LDLRAD4: variants seen among roughly 807,000 people sequenced by gnomAD.
LDLRAD4 encodes low density lipoprotein receptor class A domain containing 4, also known as low-density lipoprotein receptor class A domain-containing protein 4.
In LDLRAD4, 5 loss-of-function variants were observed where a neutral mutation model predicts 17.0. The ratio of observed to expected loss-of-function variants is 0.29; its 90% CI spans 0.15 to 0.62. The LOEUF (loss-of-function observed/expected upper bound fraction) is 0.62. LDLRAD4 is among the 20% of genes least tolerant of loss of function. The pLI is 0.84. For synonymous variants in LDLRAD4, 168 were observed against 171.8 expected, an observed-to-expected ratio of 0.98 and a Z score of 0.17; for missense variants, 340 against 424.7, an observed-to-expected ratio of 0.80 and a Z score of 1.75.
intron 3 of LDLRAD4, among the ~76,000 whole-genome samples, chr18:13,483,682 C>G (rs893394257): frequency 1.3e-5 from 2 of 152,206 alleles, no homozygotes; most frequent in African/African-American, 4.8e-5. Flanking sequence ...ATCATTTAAT[C>G]TTCCCCATCT....
chr18:13,584,557 C>A (rs549811569), intron 3 of LDLRAD4, among the ~76,000 whole-genome samples: 15 of 152,144 alleles, frequency 9.9e-5, no homozygotes, highest in Non-Finnish European at 2.2e-4. Flanking sequence ...CCCAGGAAGA[C>A]TTAGCCAATG....
intron 1 of LDLRAD4, among the ~76,000 whole-genome samples, chr18:13,345,543 C>CT (rs1484588833): frequency 6.6e-6 from 1 of 152,104 alleles, no homozygotes; most frequent in Non-Finnish European, 1.5e-5. Context: ...CTAAAATTCT[C>CT]TTTTTTTGTT....
At chr18:13,616,355 C>T (rs977436451) in intron 3 of LDLRAD4, among the ~76,000 whole-genome samples, 6 of 152,130 alleles carry the variant, frequency 3.9e-5, no homozygotes, top group African/African-American at 7.2e-5. Context: ...TCCTCACACA[C>T]GTTTCCAAGA....
chr18:13,533,534 AT>A (rs1423475378), intron 3 of LDLRAD4, among the ~76,000 whole-genome samples: 1 of 152,120 alleles, frequency 6.6e-6, no homozygotes, highest in African/African-American at 2.4e-5. Context: ...CCTGGCAAGA[AT>A]TTGGTTTAAA....
intron 1 of LDLRAD4, among the ~76,000 whole-genome samples, chr18:13,313,352 A>T (rs7241438): frequency 1.3e-5 from 2 of 151,922 alleles, no homozygotes; most frequent in African/African-American, 4.8e-5. Context: ...GCAAGAAACC[A>T]ATTCCTTCCC....
chr18:13,515,147 C>T (rs1225049061), intron 3 of LDLRAD4: 2 of 152,316 alleles, frequency 1.3e-5, no homozygotes, highest in Admixed American at 6.5e-5. Flanking sequence ...CATATGGTCT[C>T]GATAGGCTTG....
At chr18:13,321,400 A>G (rs11080643) in intron 1 of LDLRAD4, among the ~76,000 whole-genome samples, 9,075 of 152,260 alleles carry the variant, frequency 0.06, 729 homozygotes, top group African/African-American at 0.18. Context: ...TTTTGTGGCT[A>G]TTTAATTCTC....
At chr18:13,439,920 A>G (rs901731875) in intron 3 of LDLRAD4, among the ~76,000 whole-genome samples, 1 of 152,172 alleles carries the variant, frequency 6.6e-6, no homozygotes, top group Non-Finnish European at 1.5e-5. Flanking sequence ...GGACATAAGA[A>G]TGGTTATTGG....
At chr18:13,570,590 C>T (rs1174692534) in intron 3 of LDLRAD4, among the ~76,000 whole-genome samples, 4 of 152,154 alleles carry the variant, frequency 2.6e-5, no homozygotes, top group South Asian at 2.1e-4. Flanking sequence ...TCACGGCTCC[C>T]GCTGCATGGA....
chr18:13,234,415 C>T (rs563743918), intron 1 of LDLRAD4, among the ~76,000 whole-genome samples: 5 of 146,878 alleles, frequency 3.4e-5, no homozygotes, highest in Middle Eastern at 3.4e-3. Context: ...GGCAGACAAT[C>T]GTCTTCTTGT....
intron 1 of LDLRAD4, among the ~76,000 whole-genome samples, chr18:13,322,679 G>A (rs551162425): frequency 5.3e-5 from 8 of 151,656 alleles, no homozygotes; most frequent in South Asian, 4.2e-4. Context: ...GTGCAGTGGC[G>A]CGATCTCAGC....
intron 3 of LDLRAD4, among the ~76,000 whole-genome samples, chr18:13,567,881 G>A (rs993582277): frequency 6.6e-6 from 1 of 152,186 alleles, no homozygotes; most frequent in East Asian, 1.9e-4. Context: ...AATAATGAAA[G>A]TATTAACGCT....
chr18:13,476,115 T>C (rs1017197708), intron 3 of LDLRAD4, among the ~76,000 whole-genome samples: 1 of 152,180 alleles, frequency 6.6e-6, no homozygotes, highest in Non-Finnish European at 1.5e-5. Flanking sequence ...TAAAACTCGG[T>C]ATGTTGGCAC....
intron 3 of LDLRAD4, among the ~76,000 whole-genome samples, chr18:13,585,119 G>A (rs1465950092): frequency 6.6e-6 from 1 of 152,208 alleles, no homozygotes; most frequent in African/African-American, 2.4e-5. Context: ...CCCCATTGCC[G>A]ATGGTCAAAT....
chr18:13,335,694 C>A (rs763663136), intron 1 of LDLRAD4, among the ~76,000 whole-genome samples: 2 of 152,120 alleles, frequency 1.3e-5, no homozygotes, highest in Non-Finnish European at 2.9e-5. Context: ...AGTCAGTGGT[C>A]TTTTTGCTTG....
At chr18:13,351,456 T>C (rs1046993957) in intron 1 of LDLRAD4, among the ~76,000 whole-genome samples, 1 of 152,188 alleles carries the variant, frequency 6.6e-6, no homozygotes, top group Non-Finnish European at 1.5e-5. Flanking sequence ...TAGGAATGTT[T>C]GTGATTTTTG....
At chr18:13,333,235 T>C (rs2081955698) in intron 1 of LDLRAD4, among the ~76,000 whole-genome samples, 1 of 152,220 alleles carries the variant, frequency 6.6e-6, no homozygotes, top group Admixed American at 6.5e-5. Flanking sequence ...TCTGTTAAAG[T>C]CTTTGTCCTA....
At chr18:13,646,659 T>C (rs1287421965) in exon 6 of LDLRAD4, 1 of 152,686 alleles carries the variant, frequency 6.5e-6, no homozygotes, top group East Asian at 1.9e-4. Flanking sequence ...TTCAGTAATT[T>C]AGATTTTTTT....
intron 1 of LDLRAD4, among the ~76,000 whole-genome samples, chr18:13,361,807 C>T (rs567574131): frequency 6.6e-6 from 1 of 152,148 alleles, no homozygotes; most frequent in Non-Finnish European, 1.5e-5. Context: ...CAGCTGCATT[C>T]TTGGTAGGGT....
Sources: gnomAD v4.1 joint callset for allele counts (sites outside exome capture counted in the v4.1 genomes callset) on GRCh38, gnomAD v4.1.1 for gene constraint, MANE v1.5 for transcripts, NCBI Gene and HGNC (gene_info 2026-07-23, HGNC 2026-07-21) for gene names.